AKAP9: variants seen among roughly 807,000 people sequenced by gnomAD.
The protein encoded by AKAP9 is A-kinase anchor protein 9.
Under a neutral mutation model 488.5 loss-of-function variants are expected in AKAP9, and 311 were observed. The observed-to-expected ratio is 0.64, with a 90% CI of 0.58 to 0.70. AKAP9 has a LOEUF of 0.70. Ranked by LOEUF, AKAP9 falls within the 30% of genes least tolerant of loss-of-function variation. The pLI is 0.00. For synonymous variants in AKAP9, 1,462 were observed against 1,483.5 expected, an observed-to-expected ratio of 0.99 and a Z score of 0.33; for missense variants, 4,215 against 4,374.5, an observed-to-expected ratio of 0.96 and a Z score of 1.03.
At chr7:92,070,852 G>A (rs1811618461) in intron 27 of AKAP9, 53 bp from the exon 28 acceptor site, 1 of 1,264,784 alleles carries the variant, frequency 7.9e-7, no homozygotes, top group Non-Finnish European at 1.1e-6. Context: ...AAAAAAACTG[G>A]ATAATCAGGA....
In AKAP9 at chr7:91,943,688, C is replaced by G. The variant is rs1791079922; in HGVS notation, c.48+2541C>G. 2.0e-5 allele frequency among the ~76,000 whole-genome samples: 3 copies of G among 152,126 alleles called. No homozygotes were observed. The South Asian group carries it at 6.2e-4, about 32-fold the overall frequency. On this transcript the variant is annotated intron_variant, in intron 1 of 49. Transcript: ENST00000356239. ...TAATGCACCATAATATAATGCCTTT[C>G]AAATAGTTATTCATACATATTTGCT...
chr7:91,956,543 T>C (rs976376025), intron 1 of AKAP9, among the ~76,000 whole-genome samples: 3 of 152,228 alleles, frequency 2.0e-5, no homozygotes, highest in African/African-American at 7.2e-5. Context: ...TTGGCATCTG[T>C]ATCTTGGTGC....
chr7:92,039,672 C>G lies in AKAP9; in HGVS notation c.4692+900C>G, dbSNP rs373599063. On this transcript the variant is annotated intron_variant, in intron 17 of 49. Coordinates refer to ENST00000356239, the MANE Select transcript of AKAP9 (RefSeq NM_005751.5). ...GTTATGTTTTGTTCAGACTAATATT[C>G]AAGTAAAATTGCCAACTCCAGGCCG... Among the ~76,000 whole-genome samples, 4 of 151,708 alleles carry G rather than the reference C, an allele frequency of 2.6e-5. No individual in the cohort carries two copies. The East Asian group carries it at 7.7e-4, about 29-fold the overall frequency.
In AKAP9 at chr7:92,029,883, A is replaced by G. The variant is rs768017962; in HGVS notation, c.4149-12A>G. 6.3e-7 allele frequency: 1 copy of G among 1,595,834 alleles called. No individual in the cohort carries two copies. The highest frequency in any genetic ancestry group is 1.7e-5 in the Admixed American group (1 of 59,970). ...CAACTCTAATTCTTTAACCTTTTTT[A>G]TTTATATTCAGCTTACCTGTTGATT... On this transcript the variant is annotated splice_polypyrimidine_tract_variant and intron_variant, in intron 14 of 49. Transcript: ENST00000356239.
At chr7:92,016,622 G>T (rs1801542782) in intron 11 of AKAP9, among the ~76,000 whole-genome samples, 1 of 151,900 alleles carries the variant, frequency 6.6e-6, no homozygotes, top group African/African-American at 2.4e-5. Context: ...GCTTTAAAAT[G>T]AGTAAGATAA....
chr7:92,023,004 G>T lies in AKAP9; in HGVS notation c.4143G>T (p.Pro1381=), dbSNP rs754974720. 6.2e-7 allele frequency: 1 copy of T among 1,613,152 alleles called. No homozygotes were observed. The highest frequency in any genetic ancestry group is 1.3e-5 in the African/African-American group (1 of 74,898). The change falls in exon 14 of 50, where the codon CCG becomes CCT. Residue 1381 remains proline (P), a synonymous_variant. Coordinates refer to ENST00000356239, the MANE Select transcript of AKAP9 (RefSeq NM_005751.5). The stretch of plus-strand genomic sequence containing the variant: ...AAGCTGTTAGTGAGTCCACGGTTCC[G>T]CCAAGGTATTCATCTGCTTATAGCT... ...RLQAVSESTV[P]PSLPVDSVVI...
intron 41 of AKAP9, 80 bp from the exon 42 acceptor site, chr7:92,097,503 CAAT>C (rs1412541205): frequency 6.6e-7 from 1 of 1,515,180 alleles, no homozygotes; most frequent in African/African-American, 1.4e-5. Flanking sequence ...TGGATATAAA[CAAT>C]AATTGTGTTC....
intron 24 of AKAP9, chr7:92,063,617 C>A: frequency 5.4e-6 from 2 of 373,804 alleles, no homozygotes; most frequent in Non-Finnish European, 7.4e-6. Context: ...TGCTGTTGTT[C>A]CATACTTACA....
At chr7:92,020,083 G>C (rs1292952584) in intron 12 of AKAP9, among the ~76,000 whole-genome samples, 1 of 152,106 alleles carries the variant, frequency 6.6e-6, no homozygotes, top group Non-Finnish European at 1.5e-5. Flanking sequence ...TAGCAAACAG[G>C]TAGATGTCTT....
chr7:92,045,451 A>T (rs1175564456), intron 21 of AKAP9, among the ~76,000 whole-genome samples: 1 of 152,202 alleles, frequency 6.6e-6, no homozygotes, highest in Non-Finnish European at 1.5e-5. Flanking sequence ...TACATAAACC[A>T]GAATGCTGTT....
At chr7:92,008,766 C>G (rs951964637) in intron 8 of AKAP9, among the ~76,000 whole-genome samples, 1 of 151,934 alleles carries the variant, frequency 6.6e-6, no homozygotes, top group Admixed American at 6.6e-5. Flanking sequence ...GCAGGCAGAT[C>G]ACGAGGTCAG....
Position 92,083,216 on chromosome 7 carries a change from T to C in AKAP9, c.8207T>C (p.Val2736Ala). The C allele has an allele frequency of 1.2e-6, 2 of 1,614,068 alleles. No homozygotes were observed. The highest frequency in any genetic ancestry group is 1.7e-6 in the Non-Finnish European group (2 of 1,179,974). The change falls in exon 33 of 50, where the codon GTT becomes GCT. Residue 2736 changes from valine (V) to alanine (A), a missense_variant. Around this residue, in one of 5 missense-constraint regions of AKAP9, gnomAD observed 1,476 missense variants for 1,477.4 expected, o/e 1.00. Coordinates refer to ENST00000356239, the MANE Select transcript of AKAP9 (RefSeq NM_005751.5). Reference sequence around the variant, plus strand: ...TCTCTTCAGAAAGACTTAAGCCAAGTTAGGGATCACCTCGCAGAGGCAAAA... The same window carrying C: ...TCTCTTCAGAAAGACTTAAGCCAAGCTAGGGATCACCTCGCAGAGGCAAAA... ...MTSLQKDLSQVRDHLAEAKEK... is the reference protein window; with the variant it reads ...MTSLQKDLSQARDHLAEAKEK...
At chr7:92,106,856 G>A (rs1004811978) in intron 47 of AKAP9, among the ~76,000 whole-genome samples, 2 of 152,172 alleles carry the variant, frequency 1.3e-5, no homozygotes, top group Admixed American at 6.5e-5. Flanking sequence ...GCTGAAATTT[G>A]TACCATAATA....
intron 47 of AKAP9, among the ~76,000 whole-genome samples, chr7:92,106,009 A>T (rs1254526535): frequency 1.3e-5 from 2 of 152,218 alleles, no homozygotes; most frequent in Non-Finnish European, 2.9e-5. Flanking sequence ...TGTGCTCCTT[A>T]TGAGAATCTA....
intron 38 of AKAP9, 36 bp from the exon 39 acceptor site, chr7:92,093,061 T>C (rs374536338): frequency 1.3e-6 from 2 of 1,558,524 alleles, no homozygotes; most frequent in Admixed American, 1.7e-5. Flanking sequence ...ATGAGTTGCT[T>C]GATTATGTTT....
In AKAP9 at chr7:91,973,873, C is replaced by G. The variant is rs61757668; in HGVS notation, c.211C>G (p.Gln71Glu). 1.4e-5 allele frequency: 23 copies of G among 1,613,998 alleles called. No individual in the cohort carries two copies. The highest frequency in any genetic ancestry group is 1.9e-5 in the Non-Finnish European group (23 of 1,179,958). The change falls in exon 2 of 50, where the codon CAG becomes GAG. Residue 71 changes from glutamine to glutamate, a missense_variant. By Grantham distance (29) the Gln-to-Glu change is conservative (BLOSUM62 2). Transcript: ENST00000356239. ...QCNEMYINSSQRVESTVIPES... is the reference protein window; with the variant it reads ...QCNEMYINSSERVESTVIPES... ...TAATGAAATGTACATAAATAGTTCT[C>G]AGAGAGTAGAATCAACTGTGATTCC...
chr7:92,054,263 C>T (rs183306363), intron 22 of AKAP9, among the ~76,000 whole-genome samples: 1 of 151,994 alleles, frequency 6.6e-6, no homozygotes, highest in African/African-American at 2.4e-5. Context: ...TGTGTAATAT[C>T]TTTGTGAAAT....
intron 46 of AKAP9, among the ~76,000 whole-genome samples, chr7:92,103,438 G>A (rs1008151859): frequency 2.1e-5 from 3 of 145,406 alleles, no homozygotes; most frequent in African/African-American, 2.6e-5. Flanking sequence ...GCTCACACCT[G>A]TAATCCCAGC....
At chr7:92,025,974 G>T (rs921512455) in intron 14 of AKAP9, among the ~76,000 whole-genome samples, 1 of 152,198 alleles carries the variant, frequency 6.6e-6, no homozygotes, top group Non-Finnish European at 1.5e-5. Flanking sequence ...TTAAACCCAT[G>T]TCTTTGTGGC....
Sources: gnomAD v4.1 joint callset for allele counts (sites outside exome capture counted in the v4.1 genomes callset) on GRCh38, gnomAD v4.1.1 for gene constraint, gnomAD v4.1.1 regional missense constraint, MANE v1.5 for transcripts, NCBI Gene and HGNC (gene_info 2026-07-23, HGNC 2026-07-21) for gene names.